RANBP2: variants seen among roughly 807,000 people sequenced by gnomAD.
RANBP2 encodes E3 SUMO-protein ligase RanBP2.
RANBP2 carries 57 observed loss-of-function variants against 303.6 expected under a neutral mutation model. The observed-to-expected ratio is 0.19, with a 90% confidence interval of 0.15 to 0.23. The LOEUF is 0.23. Ranked by LOEUF, RANBP2 falls within the 10% of genes least tolerant of loss-of-function variation. RANBP2 has a pLI of 1.00. For missense variants in RANBP2, 3,138 were observed against 3,780.8 expected, an observed-to-expected ratio of 0.83 and a Z score of 4.46; for synonymous variants, 1,167 against 1,301.5, an observed-to-expected ratio of 0.90 and a Z score of 2.23.
chr2:109,133,503 T>C, the RANBP2 span, among the ~76,000 whole-genome samples: 1,388 of 152,362 alleles, frequency 9.1e-3, 11 homozygotes, highest in Middle Eastern at 0.017. Flanking sequence ...AGTTCCAGAT[T>C]GTCTTTTTAG....
chr2:109,424,790 C>T, the RANBP2 span, among the ~76,000 whole-genome samples: 3 of 152,172 alleles, frequency 2.0e-5, no homozygotes, highest in Admixed American at 1.3e-4. Flanking sequence ...CCCAGGCCTA[C>T]CTTTTCCCTT....
At chr2:108,944,122 T>TC in the RANBP2 span, among the ~76,000 whole-genome samples, 2 of 152,192 alleles carry the variant, frequency 1.3e-5, no homozygotes, top group Non-Finnish European at 2.9e-5. Flanking sequence ...AATGGTATAT[T>TC]CTTTTTTTTG....
intron 18 of RANBP2, among the ~76,000 whole-genome samples, chr2:108,761,380 C>T (rs1352591620): frequency 2.0e-5 from 3 of 152,092 alleles, no homozygotes; most frequent in Non-Finnish European, 4.4e-5. Context: ...GTTTCTTTTT[C>T]CATGTACAGG....
the RANBP2 span, among the ~76,000 whole-genome samples, chr2:109,413,977 G>A: frequency 6.6e-6 from 1 of 152,222 alleles, no homozygotes; most frequent in Non-Finnish European, 1.5e-5. Flanking sequence ...AGACCAGTGG[G>A]TCCTTCTAGG....
At chr2:109,578,725 C>A in the RANBP2 span, among the ~76,000 whole-genome samples, 2 of 151,922 alleles carry the variant, frequency 1.3e-5, no homozygotes, top group Admixed American at 6.6e-5. Context: ...CGAGATTGTG[C>A]CACTGCACTC....
At chr2:109,004,899 A>T in the RANBP2 span, among the ~76,000 whole-genome samples, 1 of 152,178 alleles carries the variant, frequency 6.6e-6, no homozygotes, top group African/African-American at 2.4e-5. Flanking sequence ...ATTATTGAAC[A>T]AGGGCATGCT....
intron 1 of RANBP2, among the ~76,000 whole-genome samples, chr2:108,725,164 A>G (rs926418166): frequency 2.0e-4 from 30 of 152,110 alleles, no homozygotes; most frequent in Non-Finnish European, 3.7e-4. Flanking sequence ...ATTTGCTTAT[A>G]GTGACATCTG....
At chr2:109,059,381 C>T in the RANBP2 span, among the ~76,000 whole-genome samples, 4 of 152,124 alleles carry the variant, frequency 2.6e-5, no homozygotes, top group African/African-American at 9.7e-5. Flanking sequence ...CAAGACCATC[C>T]TGGCTAACAC....
At chr2:109,498,313 G>A in the RANBP2 span, among the ~76,000 whole-genome samples, 1 of 152,166 alleles carries the variant, frequency 6.6e-6, no homozygotes, top group South Asian at 2.1e-4. Context: ...TGCTTCCCCA[G>A]GAGTAGGAAC....
At chr2:109,083,178 G>C in the RANBP2 span, among the ~76,000 whole-genome samples, 2 of 152,040 alleles carry the variant, frequency 1.3e-5, no homozygotes, top group Non-Finnish European at 2.9e-5. Flanking sequence ...AAGCATACAG[G>C]TCAGTGGCAT....
chr2:109,249,060 G>A, the RANBP2 span, among the ~76,000 whole-genome samples: 3 of 151,948 alleles, frequency 2.0e-5, no homozygotes, highest in South Asian at 2.1e-4. Flanking sequence ...TTGTAATTTT[G>A]TGTAGAGACC....
chr2:109,597,417 A>G, the RANBP2 span, among the ~76,000 whole-genome samples: 3 of 152,216 alleles, frequency 2.0e-5, no homozygotes, highest in African/African-American at 7.2e-5. Context: ...AGTATGTGTA[A>G]ACCACTCAGC....
At chr2:109,125,633 T>G in the RANBP2 span, among the ~76,000 whole-genome samples, 1 of 152,262 alleles carries the variant, frequency 6.6e-6, no homozygotes, top group African/African-American at 2.4e-5. Context: ...TCGTTACTTC[T>G]CTAGTCAGCC....
At chr2:109,424,299 G>A in the RANBP2 span, among the ~76,000 whole-genome samples, 10 of 152,336 alleles carry the variant, frequency 6.6e-5, no homozygotes, top group East Asian at 1.9e-4. Context: ...CACCCTGAGG[G>A]AGATTCCCAG....
the RANBP2 span, chr2:109,545,159 C>T: frequency 2.5e-4 from 245 of 984,868 alleles, 1 homozygote; most frequent in African/African-American, 3.9e-3. Flanking sequence ...GAGCATGCAA[C>T]GCTGCTAGCA....
At chr2:109,612,748 C>G in the RANBP2 span, among the ~76,000 whole-genome samples, 1 of 152,082 alleles carries the variant, frequency 6.6e-6, no homozygotes, top group Non-Finnish European at 1.5e-5. Flanking sequence ...GCAACTGAGA[C>G]AAGGGGGTCC....
the RANBP2 span, among the ~76,000 whole-genome samples, chr2:109,603,216 GTTA>G: frequency 6.6e-6 from 1 of 151,924 alleles, no homozygotes; most frequent in Non-Finnish European, 1.5e-5. Flanking sequence ...TGTACATAAT[GTTA>G]TTATTATCAT....
At chr2:109,143,591 A>C in the RANBP2 span, among the ~76,000 whole-genome samples, 26 of 152,220 alleles carry the variant, frequency 1.7e-4, no homozygotes, top group African/African-American at 4.8e-4. Flanking sequence ...AAAAATAAAA[A>C]AAGAAAAAAA....
chr2:109,284,965 C>T, the RANBP2 span, among the ~76,000 whole-genome samples: 1 of 152,234 alleles, frequency 6.6e-6, no homozygotes, highest in East Asian at 1.9e-4. Context: ...GGCCTTGTGC[C>T]ATCAGAAGTG....
Sources: allele counts gnomAD v4.1 joint callset (sites outside exome capture counted in the v4.1 genomes callset), GRCh38; gene constraint gnomAD v4.1.1; transcripts MANE v1.5; gene names NCBI Gene and HGNC (gene_info 2026-07-23, HGNC 2026-07-21).